RAB11FIP3: variants seen among roughly 807,000 people sequenced by gnomAD.
RAB11FIP3 encodes the protein rab11 family-interacting protein 3.
In RAB11FIP3, 17 loss-of-function variants were observed where a neutral mutation model predicts 77.8. The observed-to-expected ratio is 0.22, with a 90% confidence interval of 0.15 to 0.33. RAB11FIP3 has a LOEUF of 0.33. Ranked by LOEUF, RAB11FIP3 falls within the 10% of genes least tolerant of loss-of-function variation. The pLI is 1.00. For missense variants in RAB11FIP3, 1,005 were observed against 1,011.2 expected (o/e 0.99, Z 0.08); for synonymous variants, 437 against 448.2 (o/e 0.98, Z 0.31).
intron 9 of RAB11FIP3, among the ~76,000 whole-genome samples, chr16:516,869 T>TA: frequency 6.6e-6 from 1 of 152,166 alleles, no homozygotes; most frequent in Non-Finnish European, 1.5e-5. Context: ...TAAAATAAAA[T>TA]AAATAAATAG....
chr16:448,006 A>G (rs1311840972), intron 1 of RAB11FIP3, among the ~76,000 whole-genome samples: 4 of 151,998 alleles, frequency 2.6e-5, no homozygotes, highest in Non-Finnish European at 5.9e-5. Context: ...AAAAACTGTA[A>G]AGAAAATTTG....
At chr16:468,119 AGGGAGGAGGTGCAGG>A (rs2055742767) in intron 2 of RAB11FIP3, among the ~76,000 whole-genome samples, 1 of 50,748 alleles carries the variant, frequency 2.0e-5, no homozygotes. Context: ...CTGGGGCCTC[AGGGAGGAGGTGCAGG>A]GGCCTCAGGG....
At chr16:492,370 A>AGACCCGAGGCC (rs1567391832) in intron 5 of RAB11FIP3, among the ~76,000 whole-genome samples, 1 of 131,802 alleles carries the variant, frequency 7.6e-6, no homozygotes, top group Non-Finnish European at 1.7e-5. Flanking sequence ...TCTTCCCGGG[A>AGACCCGAGGCC]GACCCGAGGC....
At chr16:477,803 C>G in intron 3 of RAB11FIP3, 4 of 447,856 alleles carry the variant, frequency 8.9e-6, no homozygotes, top group Non-Finnish European at 1.2e-5. Context: ...AGTAGGTACA[C>G]TTCACAGCAC....
chr16:477,980 G>A (rs751126955), intron 3 of RAB11FIP3, among the ~76,000 whole-genome samples: 5 of 152,126 alleles, frequency 3.3e-5, no homozygotes, highest in African/African-American at 7.2e-5. Context: ...TATAACCCCC[G>A]TTTGCGGCAG....
At position 507,112 on chromosome 16, in the gene RAB11FIP3, CTT is replaced by C. The variant is rs565807928; in HGVS notation, c.1499+1502_1499+1503del. 8.1e-5 allele frequency among the ~76,000 whole-genome samples: 11 copies of C among 136,470 alleles called. No homozygotes were observed. Among genetic ancestry groups the C allele is most frequent in the East Asian group, 2.1e-4 (1 of 4,710 alleles). 89.5% of individuals were successfully genotyped at this position (136,470 alleles called of 152,430 possible). On this transcript the variant is annotated intron_variant, in intron 8 of 13. Transcript: ENST00000262305. This position sits in a 1 kb window ranked among gnomAD's most constrained non-coding sequence, Gnocchi z 4.6. ...TACAGGTGTGCACCACCACACCCAG[CTT>C]TTTTTTTTTTTTTTTTGAGACGGGG...
chr16:474,212 A>G (rs1211042218), intron 3 of RAB11FIP3, among the ~76,000 whole-genome samples: 2 of 152,100 alleles, frequency 1.3e-5, no homozygotes, highest in African/African-American at 2.4e-5. Flanking sequence ...TCTTCAGGTA[A>G]ATAAACCTTT....
chr16:458,846 C>T (rs1356377870), intron 1 of RAB11FIP3, among the ~76,000 whole-genome samples: 1 of 152,234 alleles, frequency 6.6e-6, no homozygotes, highest in South Asian at 2.1e-4. Flanking sequence ...CTCTCTTTTT[C>T]TCTTTTGCTG....
At chr16:438,837 G>A (rs977402565) in intron 1 of RAB11FIP3, among the ~76,000 whole-genome samples, 11 of 151,740 alleles carry the variant, frequency 7.2e-5, no homozygotes, top group South Asian at 2.1e-4. Context: ...CTACTGGCAC[G>A]CGCCACCACG....
chr16:484,701 A>G (rs2056117222), intron 4 of RAB11FIP3, among the ~76,000 whole-genome samples: 1 of 151,956 alleles, frequency 6.6e-6, no homozygotes, highest in Non-Finnish European at 1.5e-5. Flanking sequence ...GACTTTTATG[A>G]TTCTATTGCG....
intron 8 of RAB11FIP3, among the ~76,000 whole-genome samples, chr16:509,376 T>A (rs1415820094): frequency 6.6e-6 from 1 of 152,254 alleles, no homozygotes; most frequent in Non-Finnish European, 1.5e-5. Context: ...CCCTGGGTCC[T>A]CACTTGGTGT....
At chr16:452,392 C>T (rs2055423414) in intron 1 of RAB11FIP3, 3 of 151,988 alleles carry the variant, frequency 2.0e-5, no homozygotes, top group Admixed American at 2.0e-4. Context: ...GCTAAGCAGG[C>T]CTCTTCCTAC....
chr16:446,087 C>A (rs544093270), intron 1 of RAB11FIP3, among the ~76,000 whole-genome samples: 6 of 152,158 alleles, frequency 3.9e-5, no homozygotes, highest in Admixed American at 2.6e-4. Context: ...CTTTGTTTCC[C>A]TAAAGATCAC....
At chr16:489,073 T>C (rs1430523520) in intron 5 of RAB11FIP3, 73 bp downstream of exon 5, 2 of 1,488,038 alleles carry the variant, frequency 1.3e-6, no homozygotes, top group East Asian at 2.4e-5. Flanking sequence ...TTTCCCTTTT[T>C]GGTTCGTGCA....
At chr16:489,032 C>T in intron 5 of RAB11FIP3, 32 bp downstream of exon 5, 2 of 1,599,120 alleles carry the variant, frequency 1.3e-6, no homozygotes, top group South Asian at 2.2e-5. Flanking sequence ...ACACCCTCCT[C>T]CCTCTTCTTC....
chr16:449,013 G>A (rs1251411712), intron 1 of RAB11FIP3, among the ~76,000 whole-genome samples: 1 of 152,086 alleles, frequency 6.6e-6, no homozygotes, highest in Non-Finnish European at 1.5e-5. Context: ...GCTGTGGTAG[G>A]CCAAATAATG....
At chr16:427,143 C>T (rs1336594323) in intron 1 of RAB11FIP3, among the ~76,000 whole-genome samples, 2 of 152,222 alleles carry the variant, frequency 1.3e-5, no homozygotes, top group Non-Finnish European at 1.5e-5. Context: ...CAAGTTCTAG[C>T]CGCAGAGGCC....
intron 10 of RAB11FIP3, 179 bp downstream of exon 10, chr16:519,203 G>A: frequency 1.6e-6 from 1 of 636,726 alleles, no homozygotes; most frequent in East Asian, 2.7e-5. Context: ...ACCCACAGGA[G>A]CAGGGCCCAG....
At chr16:493,879 C>T (rs574626524) in intron 5 of RAB11FIP3, among the ~76,000 whole-genome samples, 1 of 143,688 alleles carries the variant, frequency 7.0e-6, no homozygotes, top group African/African-American at 2.6e-5. Flanking sequence ...GGCTGAGCCA[C>T]TGCACCCAGC....
Sources: gnomAD v4.1 joint callset for allele counts (sites outside exome capture counted in the v4.1 genomes callset) on GRCh38, gnomAD v4.1.1 for gene constraint, Gnocchi (gnomAD v3.1) non-coding constraint, MANE v1.5 for transcripts, NCBI Gene and HGNC (gene_info 2026-07-23, HGNC 2026-07-21) for gene names.